The following ARSG variants were observed in gnomAD, a reference collection of about 807,000 sequenced individuals.
ARSG encodes arylsulfatase G, also known as ASG.
In ARSG, 37 loss-of-function variants were observed where a neutral mutation model predicts 50.5. The ratio of observed to expected loss-of-function variants is 0.73; its 90% CI spans 0.56 to 0.96. ARSG has a LOEUF of 0.96. Among genes scored for constraint, ARSG ranks in the 50% least tolerant of loss-of-function variants. The probability of loss-of-function intolerance (pLI) is 0.00; values close to 1 mark genes in which losing one functional copy is unlikely to be tolerated. For synonymous variants in ARSG, 225 were observed against 254.6 expected (o/e 0.88, Z 1.11); for missense variants, 629 against 675.3 (o/e 0.93, Z 0.76).
chr17:68,412,423 T>C lies in ARSG; in HGVS notation c.1304-7766T>C, dbSNP rs1433619397. 3.3e-5 allele frequency among the ~76,000 whole-genome samples: 5 copies of C among 152,328 alleles called. No individual in the cohort carries two copies. The South Asian group carries it at 6.2e-4, about 19-fold the overall frequency. ...ATGAAATTCTGGGTTGAAAATTCTT[T>C]TCTTTGAGAATGTTGAATATTGGCC... On this transcript the variant is annotated intron_variant, in intron 11 of 11. Coordinates refer to ENST00000621439, the MANE Select transcript of ARSG (RefSeq NM_001267727.2).
intron 6 of ARSG, among the ~76,000 whole-genome samples, chr17:68,366,502 A>G (rs527519027): frequency 1.1e-4 from 16 of 152,252 alleles, no homozygotes; most frequent in Admixed American, 2.0e-4. Context: ...GCAGGCCACA[A>G]CCTGCACAAC....
intron 2 of ARSG, among the ~76,000 whole-genome samples, chr17:68,335,547 C>A (rs1264209949): frequency 7.1e-6 from 1 of 140,828 alleles, no homozygotes; most frequent in Non-Finnish European, 1.5e-5. Flanking sequence ...GAGCGAGACT[C>A]CATCTCAAAA....
chr17:68,370,703 T>C (rs2079796296), intron 8 of ARSG, among the ~76,000 whole-genome samples, 179 bp downstream of exon 8: 1 of 152,154 alleles, frequency 6.6e-6, no homozygotes, highest in Non-Finnish European at 1.5e-5. Context: ...CAAGTAGTGG[T>C]GGAGAAAACG....
At chr17:68,266,073 G>A (rs1185576430) in intron 1 of ARSG, among the ~76,000 whole-genome samples, 3 of 152,062 alleles carry the variant, frequency 2.0e-5, no homozygotes, top group Non-Finnish European at 4.4e-5. Context: ...ACTGGTTGTG[G>A]TCTTTAACTA....
intron 7 of ARSG, 140 bp from the exon 8 acceptor site, chr17:68,370,302 CTG>C: frequency 1.6e-6 from 1 of 632,618 alleles, no homozygotes; most frequent in South Asian, 2.3e-5. Context: ...GCGTGAGCCA[CTG>C]CACTAGGCCC....
intron 1 of ARSG, among the ~76,000 whole-genome samples, chr17:68,295,275 C>T (rs1400742541): frequency 1.3e-5 from 2 of 152,084 alleles, no homozygotes; most frequent in Non-Finnish European, 2.9e-5. Context: ...AGGTCACCTT[C>T]CCACTCGTGT....
At chr17:68,374,123 C>T (rs900760619) in intron 8 of ARSG, among the ~76,000 whole-genome samples, 3 of 144,636 alleles carry the variant, frequency 2.1e-5, no homozygotes, top group African/African-American at 7.8e-5. Context: ...CACCACTGGA[C>T]TCCAGCCTGG....
rs1178923310 is a variant in ARSG at position 68,271,927 on chromosome 17, T to G, written c.-552+12501T>G. Among the ~76,000 whole-genome samples, 3 of 152,134 alleles carry G rather than the reference T, an allele frequency of 2.0e-5. No individual in the cohort carries two copies. The highest frequency in any genetic ancestry group is 7.2e-5 in the African/African-American group (3 of 41,428). ...AAGCGATTCTCCTGCCTCAGCCTCC[T>G]GAGTAGCTGGGACTATAGGCGTGCG... On this transcript the variant is annotated intron_variant, in intron 1 of 11. Coordinates refer to the ARSG transcript ENST00000448504. The surrounding 1 kb of genome is among the most constrained non-coding windows in gnomAD (Gnocchi z 5.3).
At position 68,351,552 on chromosome 17, in the gene ARSG, C is replaced by A. The variant is rs896327873; in HGVS notation, c.455-23C>A. On this transcript the variant is annotated intron_variant, in intron 4 of 11. Coordinates refer to ENST00000621439, the MANE Select transcript of ARSG (RefSeq NM_001267727.2). ...ATGGAGTCGCAGCCACGTGGGGGTG[C>A]TAACCGGTTGCTTCTATTCCAGGTT... The A allele has an allele frequency of 4.9e-6, 7 of 1,425,224 alleles. No individual in the cohort carries two copies. In the Admixed American group the frequency reaches 5.0e-5, roughly 10 times the overall value. The allele number at this position is 1,425,224 out of a possible 1,614,324, so 88.3% of individuals were successfully genotyped here.
At chr17:68,322,542 G>A (rs1370418392) in intron 2 of ARSG, among the ~76,000 whole-genome samples, 1 of 152,126 alleles carries the variant, frequency 6.6e-6, no homozygotes, top group East Asian at 1.9e-4. Context: ...GCTTGAACCT[G>A]GGAGGCGGAG....
intron 1 of ARSG, chr17:68,285,781 AT>A (rs2075827421): frequency 6.7e-6 from 1 of 149,724 alleles, no homozygotes; most frequent in South Asian, 2.1e-4. Flanking sequence ...TTTTTTTTTA[AT>A]TTATGTTTTG....
intron 2 of ARSG, among the ~76,000 whole-genome samples, chr17:68,308,035 G>C (rs2076675520): frequency 6.6e-6 from 1 of 152,132 alleles, no homozygotes; most frequent in African/African-American, 2.4e-5. Context: ...TAGGTACAGT[G>C]GCTCATGGCT....
chr17:68,334,892 T>C (rs925594435), intron 2 of ARSG, among the ~76,000 whole-genome samples: 7 of 152,176 alleles, frequency 4.6e-5, no homozygotes, highest in African/African-American at 1.7e-4. Context: ...TGCCACATTA[T>C]TCTGTTGGTC....
At chr17:68,316,712 A>G (rs1417417433) in intron 2 of ARSG, among the ~76,000 whole-genome samples, 1 of 152,212 alleles carries the variant, frequency 6.6e-6, no homozygotes, top group East Asian at 1.9e-4. Context: ...GTTAGGTCAT[A>G]TAAGGCAGCA....
At chr17:68,373,322 T>G (rs2079961511) in intron 8 of ARSG, among the ~76,000 whole-genome samples, 1 of 151,816 alleles carries the variant, frequency 6.6e-6, no homozygotes, top group Non-Finnish European at 1.5e-5. Flanking sequence ...CTCCGCCTCC[T>G]GGGTTCAAGT....
chr17:68,447,766 G>A, the ARSG span, among the ~76,000 whole-genome samples: 2 of 152,198 alleles, frequency 1.3e-5, no homozygotes, highest in East Asian at 3.9e-4. Flanking sequence ...GCCGAGGTGG[G>A]TGGATCACGA....
chr17:68,275,362 A>T (rs1405627002), intron 1 of ARSG, among the ~76,000 whole-genome samples: 2 of 152,174 alleles, frequency 1.3e-5, no homozygotes, highest in Non-Finnish European at 2.9e-5. Flanking sequence ...TTTTTGGGTT[A>T]GTCTATATGT....
intron 11 of ARSG, among the ~76,000 whole-genome samples, chr17:68,412,571 A>G (rs897761568): frequency 6.7e-4 from 102 of 151,974 alleles, no homozygotes; most frequent in African/African-American, 2.3e-3. Context: ...CTTCATTTCA[A>G]CTTTGGTGAA....
At chr17:68,261,462 T>G (rs1555745156) in intron 1 of ARSG, among the ~76,000 whole-genome samples, 1 of 152,116 alleles carries the variant, frequency 6.6e-6, no homozygotes, top group East Asian at 1.9e-4. Flanking sequence ...TCACTATATC[T>G]TCTGCCTCCT....
Sources: allele counts gnomAD v4.1 joint callset (sites outside exome capture counted in the v4.1 genomes callset), GRCh38; gene constraint gnomAD v4.1.1; non-coding constraint Gnocchi (gnomAD v3.1); transcripts MANE v1.5; gene names NCBI Gene and HGNC (gene_info 2026-07-23, HGNC 2026-07-21).